The following NRAP variants were observed in gnomAD, a reference collection of about 807,000 sequenced individuals.
NRAP encodes nebulin related anchoring protein.
NRAP carries 189 observed loss-of-function variants against 225.9 expected under a neutral mutation model. That is an observed-to-expected ratio of 0.84 (90% CI 0.74 to 0.94). The LOEUF is 0.94. Among genes scored for constraint, NRAP ranks in the 40% least tolerant of loss-of-function variants. The pLI is 0.00. For missense variants in NRAP, 2,176 were observed against 2,168.7 expected, an observed-to-expected ratio of 1.00 and a Z score of -0.07; for synonymous variants, 769 against 790.7, an observed-to-expected ratio of 0.97 and a Z score of 0.46.
At chr10:113,589,283 T>G in intron 41 of NRAP, 1 of 588,124 alleles carries the variant, frequency 1.7e-6, no homozygotes, top group Non-Finnish European at 3.0e-6. Context: ...CATTTAGACC[T>G]GGCTTCTTTC....
intron 14 of NRAP, among the ~76,000 whole-genome samples, chr10:113,636,726 G>T (rs532993002): frequency 1.3e-5 from 2 of 151,766 alleles, no homozygotes; most frequent in African/African-American, 4.8e-5. Flanking sequence ...CCAGTGACCC[G>T]GGCCAGGGGC....
chr10:113,654,190 A>G, intron 4 of NRAP, 65 bp from the exon 5 acceptor site: 1 of 897,462 alleles, frequency 1.1e-6, no homozygotes. Context: ...ACTTACATAC[A>G]TTGTCAAAAG....
At chr10:113,591,960 G>T (rs892715846) in intron 39 of NRAP, among the ~76,000 whole-genome samples, 3 of 152,138 alleles carry the variant, frequency 2.0e-5, no homozygotes, top group Non-Finnish European at 2.9e-5. Flanking sequence ...TCTTTTAAGA[G>T]TGCCTCTCTA....
chr10:113,663,043 T>G (rs1850784811), intron 2 of NRAP, among the ~76,000 whole-genome samples: 1 of 152,194 alleles, frequency 6.6e-6, no homozygotes, highest in African/African-American at 2.4e-5. Flanking sequence ...TGAAATTATT[T>G]AAAAGAAAAT....
At chr10:113,623,032 G>A (rs1197526830) in intron 23 of NRAP, among the ~76,000 whole-genome samples, 1 of 152,174 alleles carries the variant, frequency 6.6e-6, no homozygotes, top group Non-Finnish European at 1.5e-5. Context: ...AACACTTCAT[G>A]TACGTCAGTT....
At chr10:113,605,546 C>T (rs1176253448) in intron 34 of NRAP, among the ~76,000 whole-genome samples, 1 of 152,234 alleles carries the variant, frequency 6.6e-6, no homozygotes, top group Non-Finnish European at 1.5e-5. Flanking sequence ...CATCTCCTTC[C>T]TGCTAGAGAC....
chr10:113,654,312 T>A (rs1270531204), intron 4 of NRAP, among the ~76,000 whole-genome samples, 187 bp from the exon 5 acceptor site: 1 of 152,196 alleles, frequency 6.6e-6, no homozygotes, highest in Non-Finnish European at 1.5e-5. Flanking sequence ...ATAATTGAAC[T>A]TTCTGAGAAC....
intron 37 of NRAP, among the ~76,000 whole-genome samples, chr10:113,596,112 C>T (rs1163378870): frequency 1.3e-5 from 2 of 152,168 alleles, no homozygotes; most frequent in Non-Finnish European, 2.9e-5. Context: ...GCCTCAATGC[C>T]TTTGTTGTTT....
intron 25 of NRAP, among the ~76,000 whole-genome samples, chr10:113,619,275 C>T (rs2133971065): frequency 6.6e-6 from 1 of 152,172 alleles, no homozygotes; most frequent in South Asian, 2.1e-4. Flanking sequence ...TATGAGTGAG[C>T]CCAATATTGA....
rs529242899 is a variant in NRAP at position 113,619,297 on chromosome 10, C to T, written c.2874+1307G>A. On this transcript the variant is annotated intron_variant, in intron 25 of 41. Transcript: ENST00000359988. The stretch of plus-strand genomic sequence containing the variant: ...GAGCCCAATATTGAGAGTTTGGGAT[C>T]ATGAATCCTCAAACCTAAATGTTTA... Among the ~76,000 whole-genome samples the T allele has an allele frequency of 4.6e-5, 7 of 152,296 alleles. No individual in the cohort carries two copies. The East Asian group carries it at 1.4e-3, about 29-fold the overall frequency.
In NRAP at chr10:113,654,057, A is replaced by C; in HGVS notation, c.429T>G (p.Ile143Met). ...ACTTTCGAGCCTCAACCATCCTTAC[A>C]ATTTCGGGGTCTGGCAGAGCTCCTG... is the stretch of plus-strand genomic sequence containing the variant. ...WCPGALPDPEIVRMVEARKSL... is the reference protein window; with the variant it reads ...WCPGALPDPEMVRMVEARKSL... The change falls in exon 5 of 42, where the codon ATT becomes ATG. Residue 143 changes from isoleucine to methionine, a missense_variant. Physicochemically the swap from Ile to Met is conservative, Grantham distance 10. Coordinates refer to ENST00000359988, the MANE Select transcript of NRAP (RefSeq NM_198060.4). 2.5e-6 allele frequency: 4 copies of C among 1,613,618 alleles called. No individual in the cohort carries two copies. Among genetic ancestry groups the C allele is most frequent in the Non-Finnish European group, 2.5e-6 (3 of 1,179,688 alleles).
intron 7 of NRAP, among the ~76,000 whole-genome samples, chr10:113,651,404 T>C (rs190745659): frequency 1.1e-3 from 168 of 152,278 alleles, no homozygotes; most frequent in African/African-American, 3.8e-3. Context: ...GGTAAATGTG[T>C]GCCATGGTGG....
intron 28 of NRAP, 26 bp downstream of exon 28, chr10:113,614,813 T>C (rs368077773): frequency 1.2e-5 from 16 of 1,374,466 alleles, no homozygotes; most frequent in Non-Finnish European, 1.6e-5. Context: ...TTGAACATTG[T>C]CACAAGAATG....
intron 14 of NRAP, among the ~76,000 whole-genome samples, chr10:113,636,757 C>G (rs1848890797): frequency 6.6e-6 from 1 of 152,118 alleles, no homozygotes; most frequent in Non-Finnish European, 1.5e-5. Context: ...GCCTGTAATC[C>G]CAGCACTTTG....
intron 25 of NRAP, among the ~76,000 whole-genome samples, chr10:113,617,852 T>C (rs1007233937): frequency 2.0e-5 from 3 of 152,220 alleles, no homozygotes; most frequent in Admixed American, 6.5e-5. Context: ...TTTTATAGGC[T>C]TCAAATACTT....
chr10:113,608,157 C>T (rs1227984985), intron 32 of NRAP, among the ~76,000 whole-genome samples: 1 of 152,186 alleles, frequency 6.6e-6, no homozygotes, highest in Non-Finnish European at 1.5e-5. Context: ...TTGTGCCTTG[C>T]CAGTATGCTC....
intron 29 of NRAP, 25 bp downstream of exon 29, chr10:113,614,158 C>A (rs372879695): frequency 4.7e-6 from 7 of 1,503,470 alleles, no homozygotes; most frequent in African/African-American, 1.4e-5. Context: ...GCCCTGCAGC[C>A]GCTGATGCCT....
Position 113,595,746 on chromosome 10 carries a change from C to G in NRAP, c.4432-19G>C. 6.6e-7 allele frequency: 1 copy of G among 1,522,618 alleles called. No homozygotes were observed. Among genetic ancestry groups the G allele is most frequent in the Non-Finnish European group, 9.1e-7 (1 of 1,097,154 alleles). 94.3% of individuals were successfully genotyped at this position (1,522,618 alleles called of 1,614,324 possible). A position where few individuals can be genotyped will look rare whatever the true frequency, so the allele number is the denominator to read the frequency against. ...ACATGCGCTGTAGATAAGATGGGCT[C>G]ATGGTAAATAGAGAACTGTGTGGGC... On this transcript the variant is annotated intron_variant, in intron 37 of 41. Transcript: ENST00000359988.
intron 14 of NRAP, among the ~76,000 whole-genome samples, chr10:113,634,719 T>C (rs1263978470): frequency 6.6e-6 from 1 of 152,188 alleles, no homozygotes; most frequent in African/African-American, 2.4e-5. Flanking sequence ...TGAAAATATA[T>C]GCCTGAGGTC....
Sources: allele counts gnomAD v4.1 joint callset (sites outside exome capture counted in the v4.1 genomes callset), GRCh38; gene constraint gnomAD v4.1.1; transcripts MANE v1.5; gene names NCBI Gene and HGNC (gene_info 2026-07-23, HGNC 2026-07-21).